TAFA5: variants seen among roughly 807,000 people sequenced by gnomAD.
The protein encoded by TAFA5 is TAFA chemokine like family member 5, also known as chemokine-like protein TAFA-5.
In TAFA5, 6 loss-of-function variants were observed where a neutral mutation model predicts 15.3. The observed-to-expected ratio is 0.39, with a 90% CI of 0.21 to 0.77. The LOEUF is 0.77. TAFA5 is among the 30% of genes least tolerant of loss of function. The pLI is 0.41. For synonymous variants in TAFA5, 103 were observed against 80.7 expected, an observed-to-expected ratio of 1.28 and a Z score of -1.48; for missense variants, 161 against 193.1, an observed-to-expected ratio of 0.83 and a Z score of 0.98.
chr22:48,664,325 C>T lies in TAFA5; in HGVS notation c.262+17579C>T, dbSNP rs1257632214. 2.0e-5 allele frequency among the ~76,000 whole-genome samples: 3 copies of T among 152,142 alleles called. No homozygotes were observed. The South Asian group carries it at 6.2e-4, about 31-fold the overall frequency. ...ATGATGTAAGGAAAGTCCCCCAGAC[C>T]TTGGCTCAGTAAATGTAGTCGTGTC... On this transcript the variant is annotated intron_variant, in intron 2 of 3. Transcript: ENST00000402357.
intron 1 of TAFA5, among the ~76,000 whole-genome samples, chr22:48,536,844 G>T (rs1461924946): frequency 1.3e-5 from 2 of 152,220 alleles, no homozygotes; most frequent in African/African-American, 4.8e-5. Flanking sequence ...GTGTGTGGAG[G>T]AGTGGCTGGG....
chr22:48,700,558 G>A (rs111786916), intron 2 of TAFA5, among the ~76,000 whole-genome samples: 2,937 of 152,286 alleles, frequency 0.019, 84 homozygotes, highest in African/African-American at 0.066. Context: ...GGAGGGGAGC[G>A]GAAGCGGGCC....
chr22:48,658,593 A>G (rs1569067646), intron 2 of TAFA5, among the ~76,000 whole-genome samples: 1 of 152,152 alleles, frequency 6.6e-6, no homozygotes, highest in Non-Finnish European at 1.5e-5. Context: ...TTCATTGTAC[A>G]AACACCCACC....
intron 1 of TAFA5, among the ~76,000 whole-genome samples, chr22:48,606,189 C>A (rs1026069153): frequency 1.3e-5 from 2 of 152,186 alleles, no homozygotes; most frequent in Non-Finnish European, 2.9e-5. Context: ...CTGTACCAAA[C>A]CCTGGGACCC....
chr22:48,550,574 C>A lies in TAFA5; in HGVS notation c.112+60870C>A, dbSNP rs1021317692. 5.3e-5 allele frequency among the ~76,000 whole-genome samples: 8 copies of A among 152,150 alleles called. No homozygotes were observed. The highest frequency in any genetic ancestry group is 1.9e-4 in the African/African-American group (8 of 41,430). ...AAAGCAGATATGCCCTGCCCCCTAC[C>A]CTCATCCCACGGTTCCTAGCAGGTT... is the stretch of plus-strand genomic sequence containing the variant. On this transcript the variant is annotated intron_variant, in intron 1 of 3. Coordinates refer to ENST00000402357, the MANE Select transcript of TAFA5 (RefSeq NM_001082967.3). This position sits in a 1 kb window ranked among gnomAD's most constrained non-coding sequence, Gnocchi z 4.1.
rs151271772 is a variant in TAFA5, at chr22:48,539,755, C to T, written c.112+50051C>T. ...GAATTTCAGGAGAGGGCTTAATAGC[C>T]GCAGGAAGGCCACAGGGCTCAGCTG... is the stretch of plus-strand genomic sequence containing the variant. On this transcript the variant is annotated intron_variant, in intron 1 of 3. Coordinates refer to ENST00000402357, the MANE Select transcript of TAFA5 (RefSeq NM_001082967.3). Among the ~76,000 whole-genome samples the T allele has an allele frequency of 6.3e-4, 96 of 152,270 alleles. No homozygotes were observed. The East Asian group carries it at 0.017, about 27-fold the overall frequency.
chr22:48,562,342 A>T (rs976954242), intron 1 of TAFA5, among the ~76,000 whole-genome samples: 4 of 152,066 alleles, frequency 2.6e-5, no homozygotes, highest in South Asian at 2.1e-4. Flanking sequence ...GTTTCACCGC[A>T]TTAGCCAGGA....
intron 2 of TAFA5, among the ~76,000 whole-genome samples, chr22:48,691,250 A>G (rs1282539051): frequency 6.6e-6 from 1 of 152,118 alleles, no homozygotes; most frequent in Admixed American, 6.5e-5. Flanking sequence ...TTGTTTGCCA[A>G]GTAGGGAGCC....
chr22:48,693,523 G>A, intron 2 of TAFA5: 1 of 1,485,080 alleles, frequency 6.7e-7, no homozygotes, highest in Non-Finnish European at 9.1e-7. Flanking sequence ...CAGCAGGTGA[G>A]GCCCGCAGGA....
intron 1 of TAFA5, among the ~76,000 whole-genome samples, chr22:48,641,657 C>T (rs1601636708): frequency 2.7e-5 from 4 of 150,614 alleles, no homozygotes; most frequent in East Asian, 2.0e-4. Flanking sequence ...CCCTCACACA[C>T]GATGCCGTCC....
intron 2 of TAFA5, among the ~76,000 whole-genome samples, chr22:48,685,962 G>A (rs917000611): frequency 7.5e-6 from 1 of 133,112 alleles, no homozygotes; most frequent in Non-Finnish European, 1.5e-5. Context: ...GTGCGCCCCG[G>A]GAGTACACGC....
chr22:48,625,517 A>G (rs557504538), intron 1 of TAFA5, among the ~76,000 whole-genome samples: 1 of 152,238 alleles, frequency 6.6e-6, no homozygotes, highest in South Asian at 2.1e-4. Context: ...ACCTTTATCA[A>G]CTCATGCACA....
intron 1 of TAFA5, among the ~76,000 whole-genome samples, chr22:48,543,085 A>G (rs955939545): frequency 1.3e-5 from 2 of 151,672 alleles, no homozygotes; most frequent in African/African-American, 2.4e-5. Flanking sequence ...GAGAGGGGAG[A>G]GTGGTCTGGG....
chr22:48,660,786 AGTG>A (rs1286022798), intron 2 of TAFA5, among the ~76,000 whole-genome samples: 2 of 152,124 alleles, frequency 1.3e-5, no homozygotes, highest in Non-Finnish European at 2.9e-5. Flanking sequence ...TGTCAGCAGA[AGTG>A]AGGAGGCTCC....
chr22:48,607,537 TCCTGGGTTCTGATTAGGCCTGG>T (rs1372893122), intron 1 of TAFA5, among the ~76,000 whole-genome samples: 1,423 of 137,254 alleles, frequency 0.01, 470 homozygotes, highest in African/African-American at 0.015. Context: ...AGCAGGTCTG[TCCTGGGTTCTGATTAGGCCTGG>T]CCCACCCATC....
chr22:48,519,785 T>C (rs1035952816), intron 1 of TAFA5, among the ~76,000 whole-genome samples: 1 of 152,120 alleles, frequency 6.6e-6, no homozygotes, highest in Non-Finnish European at 1.5e-5. Context: ...GCAGGTCCCG[T>C]ACCTCTTGCC....
chr22:48,579,834 T>C (rs1332260794), intron 1 of TAFA5, among the ~76,000 whole-genome samples: 2 of 152,184 alleles, frequency 1.3e-5, no homozygotes, highest in Admixed American at 6.5e-5. Context: ...GAGAGGTTTC[T>C]GGGCTTTGGC....
chr22:48,681,342 G>T (rs1449158960), intron 2 of TAFA5, among the ~76,000 whole-genome samples: 2 of 152,102 alleles, frequency 1.3e-5, no homozygotes, highest in African/African-American at 4.8e-5. Flanking sequence ...ATTTCAAATT[G>T]TTTAAAAACC....
chr22:48,748,157 C>A (rs571588442), intron 3 of TAFA5, among the ~76,000 whole-genome samples: 134 of 152,322 alleles, frequency 8.8e-4, no homozygotes, highest in African/African-American at 3.2e-3. Flanking sequence ...GCATCAGGTG[C>A]CCGCAGGTGA....
Sources: gnomAD v4.1 joint callset for allele counts (sites outside exome capture counted in the v4.1 genomes callset) on GRCh38, gnomAD v4.1.1 for gene constraint, Gnocchi (gnomAD v3.1) non-coding constraint, MANE v1.5 for transcripts, NCBI Gene and HGNC (gene_info 2026-07-23, HGNC 2026-07-21) for gene names.